SUMF1: variants seen among roughly 807,000 people sequenced by gnomAD.
The protein encoded by SUMF1 is sulfatase modifying factor 1.
Under a neutral mutation model 47.6 loss-of-function variants are expected in SUMF1, and 48 were observed. That is an observed-to-expected ratio of 1.01 (90% CI 0.80 to 1.28). The LOEUF (loss-of-function observed/expected upper bound fraction) is 1.28. SUMF1 is among the 50% of genes most tolerant of loss of function. The probability of loss-of-function intolerance (pLI) is 0.00; values close to 1 mark genes in which losing one functional copy is unlikely to be tolerated. For synonymous variants in SUMF1, 230 were observed against 192.1 expected, an observed-to-expected ratio of 1.20 and a Z score of -1.63; for missense variants, 571 against 485.4, an observed-to-expected ratio of 1.18 and a Z score of -1.66.
chr3:4,344,644 A>G (rs1050950678), intron 8 of SUMF1, among the ~76,000 whole-genome samples: 1 of 152,138 alleles, frequency 6.6e-6, no homozygotes, highest in African/African-American at 2.4e-5. Context: ...AATGATTGCA[A>G]TGTCTCTCCA....
chr3:4,176,678 A>C (rs576520737), intron 8 of SUMF1, among the ~76,000 whole-genome samples: 1 of 152,322 alleles, frequency 6.6e-6, no homozygotes, highest in East Asian at 1.9e-4. Context: ...GATCAAATTC[A>C]CACATAACAA....
At chr3:4,239,378 T>C (rs1264903778) in intron 8 of SUMF1, among the ~76,000 whole-genome samples, 1 of 152,208 alleles carries the variant, frequency 6.6e-6, no homozygotes, top group Non-Finnish European at 1.5e-5. Context: ...ATGGCCATTT[T>C]CATGATATTG....
At chr3:4,082,567 G>A (rs1164668767) in intron 8 of SUMF1, among the ~76,000 whole-genome samples, 1 of 151,924 alleles carries the variant, frequency 6.6e-6, no homozygotes, top group Non-Finnish European at 1.5e-5. Context: ...ATTTACTCTG[G>A]CAACAACCAA....
intron 8 of SUMF1, among the ~76,000 whole-genome samples, chr3:4,229,627 C>T (rs1271817642): frequency 2.0e-5 from 3 of 152,042 alleles, no homozygotes; most frequent in Non-Finnish European, 2.9e-5. Flanking sequence ...TTATTATGGG[C>T]CATATCATCA....
intron 3 of SUMF1, among the ~76,000 whole-genome samples, chr3:4,420,649 G>A (rs1332351765): frequency 6.6e-6 from 1 of 152,106 alleles, no homozygotes; most frequent in African/African-American, 2.4e-5. Flanking sequence ...GCCCGCCTCG[G>A]CCTCCCAAAG....
chr3:4,280,864 TG>T (rs1697515392), intron 8 of SUMF1, among the ~76,000 whole-genome samples: 1 of 132,526 alleles, frequency 7.5e-6, no homozygotes. Context: ...TGTGTGTGTG[TG>T]TGTGTGTTCT....
At chr3:4,129,182 G>A (rs1000822147) in intron 8 of SUMF1, among the ~76,000 whole-genome samples, 5 of 152,016 alleles carry the variant, frequency 3.3e-5, no homozygotes, top group African/African-American at 4.8e-5. Flanking sequence ...CATATCTAAC[G>A]GTGGGAATGA....
At chr3:4,301,277 G>A (rs1697957966) in intron 8 of SUMF1, among the ~76,000 whole-genome samples, 1 of 152,132 alleles carries the variant, frequency 6.6e-6, no homozygotes, top group Non-Finnish European at 1.5e-5. Context: ...GGCTTTTTGA[G>A]GGAATGTCAA....
chr3:4,389,013 G>A (rs555634521), intron 7 of SUMF1, among the ~76,000 whole-genome samples: 1 of 152,214 alleles, frequency 6.6e-6, no homozygotes, highest in East Asian at 1.9e-4. Flanking sequence ...ACAGAGGAAG[G>A]AAAGCCTATT....
chr3:4,290,812 A>G, intron 8 of SUMF1, among the ~76,000 whole-genome samples: 1 of 152,190 alleles, frequency 6.6e-6, no homozygotes, highest in East Asian at 1.9e-4. Context: ...GCCAGTTCAT[A>G]CCTACTCTCA....
intron 8 of SUMF1, among the ~76,000 whole-genome samples, chr3:4,371,397 G>C (rs1206143035): frequency 1.3e-5 from 2 of 152,326 alleles, no homozygotes; most frequent in East Asian, 3.9e-4. Context: ...TGACTTACCA[G>C]CCTTGGGGCT....
At chr3:4,320,784 A>G (rs1698813251) in intron 8 of SUMF1, among the ~76,000 whole-genome samples, 1 of 152,188 alleles carries the variant, frequency 6.6e-6, no homozygotes, top group Non-Finnish European at 1.5e-5. Context: ...GTCTCAACAC[A>G]AATGTATTCC....
chr3:4,461,620 C>T (rs906836652), intron 1 of SUMF1, among the ~76,000 whole-genome samples: 18 of 151,916 alleles, frequency 1.2e-4, no homozygotes, highest in African/African-American at 3.9e-4. Context: ...TGTGAACTTC[C>T]GGCCGAGTTT....
chr3:4,185,542 T>A (rs766736757), intron 8 of SUMF1, among the ~76,000 whole-genome samples: 4 of 152,160 alleles, frequency 2.6e-5, no homozygotes, highest in Non-Finnish European at 5.9e-5. Flanking sequence ...CAGACAGAAA[T>A]GTTTCCTTTC....
At chr3:4,146,673 T>C (rs1209780371) in intron 8 of SUMF1, among the ~76,000 whole-genome samples, 10 of 151,948 alleles carry the variant, frequency 6.6e-5, no homozygotes, top group East Asian at 1.9e-4. Flanking sequence ...TCTCCTAATG[T>C]TATCCCTCCC....
chr3:4,327,311 C>T (rs767259985), intron 8 of SUMF1, among the ~76,000 whole-genome samples: 9 of 152,116 alleles, frequency 5.9e-5, no homozygotes, highest in Middle Eastern at 3.2e-3. Flanking sequence ...TCTCTCTAGC[C>T]TAATGGCACA....
chr3:4,263,470 C>G (rs1371275642), intron 8 of SUMF1, among the ~76,000 whole-genome samples: 2 of 152,146 alleles, frequency 1.3e-5, no homozygotes, highest in African/African-American at 2.4e-5. Flanking sequence ...CTAGCAGATC[C>G]AAGACCCTCC....
chr3:4,202,294 AGGGGTCTCATTT>A (rs1695556819), intron 8 of SUMF1, among the ~76,000 whole-genome samples: 1 of 152,040 alleles, frequency 6.6e-6, no homozygotes, highest in Non-Finnish European at 1.5e-5. Context: ...GGCAACAGAT[AGGGGTCTCATTT>A]CATTTTTCTG....
At chr3:4,465,715 C>T (rs999251445) in intron 1 of SUMF1, among the ~76,000 whole-genome samples, 6 of 152,090 alleles carry the variant, frequency 3.9e-5, no homozygotes, top group Non-Finnish European at 7.4e-5. Flanking sequence ...CAACCTCCTA[C>T]ACTCTACACC....
Sources: allele counts gnomAD v4.1 joint callset (sites outside exome capture counted in the v4.1 genomes callset), GRCh38; gene constraint gnomAD v4.1.1; transcripts MANE v1.5; gene names NCBI Gene and HGNC (gene_info 2026-07-23, HGNC 2026-07-21).